Variants in GPD2 observed in about 807,000 individuals in gnomAD.
GPD2 encodes the protein glycerol-3-phosphate dehydrogenase, mitochondrial.
Under a neutral mutation model 82.4 loss-of-function variants are expected in GPD2, and 54 were observed. The observed-to-expected ratio is 0.66, with a 90% CI of 0.53 to 0.82. GPD2 has a LOEUF of 0.82. GPD2 is among the 40% of genes least tolerant of loss of function. The pLI is 0.00. For missense variants in GPD2, 748 were observed against 896.2 expected, an observed-to-expected ratio of 0.83 and a Z score of 2.11; for synonymous variants, 288 against 306.1, an observed-to-expected ratio of 0.94 and a Z score of 0.62.
intron 2 of GPD2, among the ~76,000 whole-genome samples, chr2:156,487,212 G>A (rs540843642): frequency 4.1e-4 from 62 of 152,284 alleles, no homozygotes; most frequent in Admixed American, 1.8e-3. Flanking sequence ...GGGAGGCTAA[G>A]GCAGGAGAAT....
intron 2 of GPD2, among the ~76,000 whole-genome samples, chr2:156,494,625 AT>A (rs1479729980): frequency 2.0e-5 from 3 of 152,148 alleles, no homozygotes; most frequent in Non-Finnish European, 2.9e-5. Context: ...GATTAGGATA[AT>A]CTCTTGGTAA....
intron 3 of GPD2, among the ~76,000 whole-genome samples, chr2:156,498,418 G>A (rs1179634441): frequency 1.3e-5 from 2 of 152,182 alleles, no homozygotes; most frequent in Non-Finnish European, 2.9e-5. Context: ...CTTTACTTAT[G>A]CTGTTTGGCA....
the GPD2 span, among the ~76,000 whole-genome samples, chr2:156,411,313 T>C: frequency 6.6e-6 from 1 of 152,046 alleles, no homozygotes; most frequent in Admixed American, 6.6e-5. Context: ...CTCTCTCTCT[T>C]TTTATTTTTA....
intron 5 of GPD2, 113 bp downstream of exon 5, chr2:156,512,430 C>T: frequency 1.4e-6 from 1 of 738,166 alleles, no homozygotes; most frequent in Non-Finnish European, 2.5e-6. Flanking sequence ...TTAATTGGTC[C>T]TAATCTTTAA....
chr2:156,548,626 CTT>C lies in GPD2; in HGVS notation c.662-980_662-979del, dbSNP rs569291391. Among the ~76,000 whole-genome samples, 10 of 152,268 alleles carry C rather than the reference CTT, an allele frequency of 6.6e-5. No individual in the cohort carries two copies. The East Asian group carries it at 1.9e-3, about 29-fold the overall frequency. On this transcript the variant is annotated intron_variant, in intron 6 of 16. Transcript: ENST00000438166. Reference sequence around the variant, plus strand: ...CACAGACTGAATCACAAGGAAGAAACTTTGCATAAACCATTTATACTAAATGT... The same window carrying C: ...CACAGACTGAATCACAAGGAAGAAACTGCATAAACCATTTATACTAAATGT...
chr2:156,579,095 G>T lies in GPD2; in HGVS notation c.1890G>T (p.Lys630Asn). The change falls in exon 15 of 17, where the codon AAG becomes AAT. Residue 630 changes from lysine (K) to asparagine (N), a missense_variant. This residue lies in a region of GPD2 where 692 missense variants were observed against 809.7 expected (regional missense o/e 0.85). Transcript: ENST00000438166. ...TAATCTTGTGTTCCAGGTATAAGAA[G>T]AGATTTCATAAGTTTGATGCAGACC... ...LLPSDIDRYKKRFHKFDADQK... is the reference protein window; with the variant it reads ...LLPSDIDRYKNRFHKFDADQK... 6.2e-7 allele frequency: 1 copy of T among 1,603,150 alleles called. No individual in the cohort carries two copies. Among genetic ancestry groups the T allele is most frequent in the South Asian group, 1.1e-5 (1 of 90,832 alleles).
At chr2:156,535,274 TGAGA>T (rs141987512) in intron 6 of GPD2, among the ~76,000 whole-genome samples, 1,780 of 141,738 alleles carry the variant, frequency 0.013, 15 homozygotes, top group East Asian at 0.056. Flanking sequence ...GAATCCCAGG[TGAGA>T]GAGAGAGAGA....
intron 6 of GPD2, among the ~76,000 whole-genome samples, chr2:156,524,067 G>A (rs487265): frequency 0.65 from 98,598 of 151,904 alleles, 32,735 homozygotes; most frequent in Middle Eastern, 0.81. Flanking sequence ...TGACGTTGGG[G>A]CTTCTAGTGA....
intron 1 of GPD2, among the ~76,000 whole-genome samples, chr2:156,458,588 T>A (rs188579126): frequency 4.5e-4 from 69 of 152,350 alleles, no homozygotes; most frequent in African/African-American, 1.5e-3. Flanking sequence ...TACTCAAAGA[T>A]TCCTAATAAA....
intron 1 of GPD2, among the ~76,000 whole-genome samples, chr2:156,437,855 T>A (rs2105132102): frequency 6.6e-6 from 1 of 152,350 alleles, no homozygotes; most frequent in South Asian, 2.1e-4. Flanking sequence ...TACCACCCCC[T>A]TTAGTTTTTT....
chr2:156,415,383 C>T, the GPD2 span, among the ~76,000 whole-genome samples: 1 of 151,902 alleles, frequency 6.6e-6, no homozygotes, highest in Non-Finnish European at 1.5e-5. Flanking sequence ...TGGTCTCGAT[C>T]TCTTGACCTC....
chr2:156,496,546 C>G (rs924588938), intron 3 of GPD2, among the ~76,000 whole-genome samples: 6 of 152,164 alleles, frequency 3.9e-5, no homozygotes, highest in Non-Finnish European at 5.9e-5. Flanking sequence ...ACACATTTCT[C>G]TCTTGTTTCC....
At chr2:156,428,269 C>T in the GPD2 span, among the ~76,000 whole-genome samples, 1 of 152,116 alleles carries the variant, frequency 6.6e-6, no homozygotes, top group African/African-American at 2.4e-5. Context: ...AAAAGGACAC[C>T]CTATGTAAAG....
intron 13 of GPD2, among the ~76,000 whole-genome samples, chr2:156,573,622 C>A (rs1050374718): frequency 6.6e-6 from 1 of 152,140 alleles, no homozygotes; most frequent in Non-Finnish European, 1.5e-5. Context: ...TTTGGCCCTA[C>A]TAAGGAAGCT....
chr2:156,526,080 T>C (rs1051841381), intron 6 of GPD2, among the ~76,000 whole-genome samples: 5 of 152,150 alleles, frequency 3.3e-5, no homozygotes, highest in African/African-American at 1.2e-4. Flanking sequence ...CTGCTTTCCA[T>C]AAGTATAAGA....
intron 9 of GPD2, among the ~76,000 whole-genome samples, chr2:156,558,429 T>A (rs994720992): frequency 9.2e-5 from 14 of 152,310 alleles, no homozygotes; most frequent in African/African-American, 3.4e-4. Flanking sequence ...CACAATGGCC[T>A]CTTTAGGTCA....
chr2:156,480,422 C>T (rs974012951), intron 2 of GPD2, among the ~76,000 whole-genome samples: 4 of 139,076 alleles, frequency 2.9e-5, no homozygotes, highest in South Asian at 2.4e-4. Flanking sequence ...TATAGCCCAA[C>T]GGCACTGTTT....
chr2:156,451,955 G>A lies in GPD2; in HGVS notation c.-9+15442G>A, dbSNP rs533813798. Among the ~76,000 whole-genome samples the A allele has an allele frequency of 2.6e-5, 4 of 151,422 alleles. No individual in the cohort carries two copies. In the East Asian group the frequency reaches 7.8e-4, roughly 30 times the overall value. On this transcript the variant is annotated intron_variant, in intron 1 of 16. Coordinates refer to ENST00000438166, the MANE Select transcript of GPD2 (RefSeq NM_000408.5). ...CAGAGGCGCTCCTCACATCCCAGAC[G>A]GGGCGGCGGGGCAGAGGCGCTCCCC...
chr2:156,484,060 T>C (rs527416099), intron 2 of GPD2, among the ~76,000 whole-genome samples: 1 of 151,948 alleles, frequency 6.6e-6, no homozygotes, highest in African/African-American at 2.4e-5. Context: ...CTAGACTTTC[T>C]TGTTCTCCCA....
Sources: gnomAD v4.1 joint callset for allele counts (sites outside exome capture counted in the v4.1 genomes callset) on GRCh38, gnomAD v4.1.1 for gene constraint, gnomAD v4.1.1 regional missense constraint, MANE v1.5 for transcripts, NCBI Gene and HGNC (gene_info 2026-07-23, HGNC 2026-07-21) for gene names.